The following KCND3 variants were observed in gnomAD, a reference collection of about 807,000 sequenced individuals.
The protein encoded by KCND3 is A-type voltage-gated potassium channel KCND3.
A neutral mutation model predicts 51.1 loss-of-function variants in KCND3; 9 were observed. The ratio of observed to expected loss-of-function variants is 0.18; its 90% CI spans 0.11 to 0.31. The LOEUF (loss-of-function observed/expected upper bound fraction) is 0.31, where lower values mean the gene tolerates loss of function less well. Among genes scored for constraint, KCND3 ranks in the 10% least tolerant of loss-of-function variants. The pLI is 1.00. For synonymous variants in KCND3, 349 were observed against 368.0 expected, an observed-to-expected ratio of 0.95 and a Z score of 0.59; for missense variants, 526 against 903.8, an observed-to-expected ratio of 0.58 and a Z score of 5.36.
chr1:111,815,277 C>T (rs186760212), intron 2 of KCND3, among the ~76,000 whole-genome samples: 2 of 151,978 alleles, frequency 1.3e-5, no homozygotes, highest in East Asian at 1.9e-4. Flanking sequence ...GTGATGTTCC[C>T]CTCTCTTCTT....
chr1:111,817,160 A>G (rs1434986266), intron 2 of KCND3, among the ~76,000 whole-genome samples: 3 of 147,770 alleles, frequency 2.0e-5, no homozygotes, highest in Non-Finnish European at 4.5e-5. Context: ...GAACACATGG[A>G]AAAATATCTA....
chr1:111,848,880 C>G lies in KCND3; in HGVS notation c.1107-61774G>C, dbSNP rs754763069. On this transcript the variant is annotated intron_variant, in intron 2 of 7. Transcript: ENST00000302127. ...GCTGTCCACAGGGAGCGCTGGCTGC[C>G]TCATCCACAGGGGCTGGGGGCACCT... 4.2e-4 allele frequency among the ~76,000 whole-genome samples: 64 copies of G among 152,192 alleles called. 1 individual carries two copies. The highest frequency in any genetic ancestry group is 1.5e-3 in the African/African-American group (64 of 41,446).
chr1:111,946,379 G>A (rs1311190665), intron 2 of KCND3, among the ~76,000 whole-genome samples: 6 of 152,202 alleles, frequency 3.9e-5, no homozygotes, highest in Non-Finnish European at 5.9e-5. Context: ...ACTGTTTCTC[G>A]TAGACCATGT....
chr1:111,920,356 C>T (rs527562766), intron 2 of KCND3, among the ~76,000 whole-genome samples: 17 of 152,350 alleles, frequency 1.1e-4, no homozygotes, highest in African/African-American at 4.1e-4. Context: ...AATAATCACA[C>T]TCCCCACACT....
At chr1:111,838,019 G>C (rs1033743553) in intron 2 of KCND3, among the ~76,000 whole-genome samples, 5 of 152,146 alleles carry the variant, frequency 3.3e-5, no homozygotes, top group African/African-American at 1.2e-4. Context: ...ACGCGTCACT[G>C]TCGAGGTCAA....
chr1:111,899,147 G>A (rs1670264597), intron 2 of KCND3, among the ~76,000 whole-genome samples: 1 of 152,122 alleles, frequency 6.6e-6, no homozygotes, highest in Non-Finnish European at 1.5e-5. Flanking sequence ...GACTACAAGG[G>A]TCACTATCAA....
At chr1:111,832,179 C>A (rs767629265) in intron 2 of KCND3, among the ~76,000 whole-genome samples, 2 of 152,214 alleles carry the variant, frequency 1.3e-5, no homozygotes, top group Admixed American at 6.5e-5. Flanking sequence ...GGGTCTACAC[C>A]TTCCCAGGCT....
chr1:111,902,590 C>G (rs559129503), intron 2 of KCND3, among the ~76,000 whole-genome samples: 84 of 152,260 alleles, frequency 5.5e-4, no homozygotes, highest in South Asian at 3.7e-3. Context: ...GCCCACTGCT[C>G]GTTAGTGTTA....
rs1322663065 is a variant in KCND3 at position 111,970,021 on chromosome 1, C to CT, written c.1106+11599dup. 8.2e-4 allele frequency among the ~76,000 whole-genome samples: 120 copies of CT among 146,648 alleles called. No homozygotes were observed. The Middle Eastern group carries it at 0.011, about 13-fold the overall frequency. ...TTCCAATCTTTCCTTCTCTCTCTCT[C>CT]TTTTTTTTTTTGGAGATGGAGTTTC... is the stretch of plus-strand genomic sequence containing the variant. On this transcript the variant is annotated intron_variant, in intron 2 of 7. Coordinates refer to ENST00000302127, the MANE Select transcript of KCND3 (RefSeq NM_001378969.1).
chr1:111,892,663 G>A lies in KCND3; in HGVS notation c.1106+88958C>T, dbSNP rs75423178. Reference sequence around the variant, plus strand: ...TACATGAAAGATAATATAGTGCCACGCAGAGAATAACAATGGGTAATGTGA... The same window carrying A: ...TACATGAAAGATAATATAGTGCCACACAGAGAATAACAATGGGTAATGTGA... On this transcript the variant is annotated intron_variant, in intron 2 of 7. Transcript: ENST00000302127. Among the ~76,000 whole-genome samples the A allele has an allele frequency of 1.7e-4, 26 of 152,310 alleles. No individual in the cohort carries two copies. In the East Asian group the frequency reaches 2.1e-3, roughly 12 times the overall value.
Position 111,774,741 on chromosome 1 carries a change from G to A in KCND3, c.*1336C>T, listed in dbSNP as rs1664039358. On this transcript the variant is annotated 3_prime_UTR_variant, in exon 8 of 8. Transcript: ENST00000302127. ...GCTTACCCTTCCACAGCCTCTGTGT[G>A]GGAGTTGCCTCTGGTTTGATATAAG... 1 of 152,164 alleles carries A rather than the reference G, an allele frequency of 6.6e-6. No homozygotes were observed. Among genetic ancestry groups the A allele is most frequent in the African/African-American group, 2.4e-5 (1 of 41,414 alleles). 9.4% of individuals were successfully genotyped at this position (152,164 alleles called of 1,614,324 possible).
chr1:111,888,517 A>G (rs1376020091), intron 2 of KCND3, among the ~76,000 whole-genome samples: 1 of 152,082 alleles, frequency 6.6e-6, no homozygotes, highest in African/African-American at 2.4e-5. Context: ...CCCAGTCTCT[A>G]CTAAAAACAC....
intron 2 of KCND3, among the ~76,000 whole-genome samples, chr1:111,938,928 C>T (rs931615095): frequency 6.6e-6 from 1 of 152,190 alleles, no homozygotes; most frequent in Non-Finnish European, 1.5e-5. Context: ...CAGGGAACCC[C>T]TGCAGCTCCA....
At chr1:111,970,923 C>A (rs573118223) in intron 2 of KCND3, among the ~76,000 whole-genome samples, 120 of 152,312 alleles carry the variant, frequency 7.9e-4, no homozygotes, top group Non-Finnish European at 5.9e-5. Context: ...TTACCAAGGG[C>A]CCAAGACAGA....
intron 2 of KCND3, among the ~76,000 whole-genome samples, chr1:111,862,629 CT>C (rs1668389067): frequency 6.6e-6 from 1 of 152,188 alleles, no homozygotes; most frequent in East Asian, 1.9e-4. Flanking sequence ...AGTATAGGCT[CT>C]GATGCAATAT....
rs531882998 is a variant in KCND3, at chr1:111,941,420, C to T, written c.1106+40201G>A. Among the ~76,000 whole-genome samples the T allele has an allele frequency of 7.9e-5, 12 of 152,288 alleles. 1 individual carries two copies. The highest frequency in any genetic ancestry group is 3.4e-3 in the Middle Eastern group (1 of 294). ...ATAATCTGGGAGAGCCCAAACCCTC[C>T]GTCCAGCTCCCCAGAGCTGGGGGGC... On this transcript the variant is annotated intron_variant, in intron 2 of 7. Coordinates refer to ENST00000302127, the MANE Select transcript of KCND3 (RefSeq NM_001378969.1).
At chr1:111,936,422 G>A (rs1418081686) in intron 2 of KCND3, among the ~76,000 whole-genome samples, 1 of 152,178 alleles carries the variant, frequency 6.6e-6, no homozygotes, top group Non-Finnish European at 1.5e-5. Flanking sequence ...TCCTGCAAGA[G>A]GGTCTGAGTC....
intron 2 of KCND3, among the ~76,000 whole-genome samples, chr1:111,939,312 G>T (rs762278275): frequency 1.1e-3 from 162 of 152,190 alleles, no homozygotes; most frequent in Non-Finnish European, 1.5e-3. Context: ...CACATGTCAT[G>T]GTGGTTTGCT....
chr1:111,793,198 CAG>C (rs1163871659), intron 2 of KCND3, among the ~76,000 whole-genome samples: 21 of 143,698 alleles, frequency 1.5e-4, no homozygotes, highest in African/African-American at 4.7e-4. Flanking sequence ...TTTTTTGAGA[CAG>C]AGTCTCGCTC....
Sources: gnomAD v4.1 joint callset for allele counts (sites outside exome capture counted in the v4.1 genomes callset) on GRCh38, gnomAD v4.1.1 for gene constraint, MANE v1.5 for transcripts, NCBI Gene and HGNC (gene_info 2026-07-23, HGNC 2026-07-21) for gene names.